The following FCRL6 variants were observed in gnomAD, a reference collection of about 807,000 sequenced individuals.
FCRL6 encodes Fc receptor like 6.
Under a neutral mutation model 49.1 loss-of-function variants are expected in FCRL6, and 50 were observed. That is an observed-to-expected ratio of 1.02 (90% confidence interval 0.81 to 1.29). The LOEUF (loss-of-function observed/expected upper bound fraction) is 1.29, where lower values mean the gene tolerates loss of function less well. Ranked by LOEUF, FCRL6 falls within the 50% of genes most tolerant of loss-of-function variation. The pLI is 0.00. For synonymous variants in FCRL6, 213 were observed against 199.6 expected, an observed-to-expected ratio of 1.07 and a Z score of -0.57; for missense variants, 571 against 518.5, an observed-to-expected ratio of 1.10 and a Z score of -0.98.
Position 159,815,689 on chromosome 1 carries a change from C to G in FCRL6, c.*28C>G. 1.2e-6 allele frequency: 2 copies of G among 1,612,702 alleles called. No homozygotes were observed. Among genetic ancestry groups the G allele is most frequent in the Non-Finnish European group, 1.7e-6 (2 of 1,179,702 alleles). On this transcript the variant is annotated 3_prime_UTR_variant, in exon 10 of 10. Transcript: ENST00000368106. ...ATGGTGTTCTCCTATCAACACACGCCCACCCCCAGTCTCCAGTGCTCCTCA... is the reference window on the plus strand; with the variant it reads ...ATGGTGTTCTCCTATCAACACACGCGCACCCCCAGTCTCCAGTGCTCCTCA...
At position 159,809,254 on chromosome 1, in the gene FCRL6, G is replaced by T. The variant is rs769087449; in HGVS notation, c.604+9G>T. The T allele has an allele frequency of 6.5e-7, 1 of 1,542,518 alleles. No individual in the cohort carries two copies. ...GGAGGTCAGAGTGCAGGGTAAGTGCGCGAGAGAGTGGAGATGCCCCCAGGG... is the reference window on the plus strand; with the variant it reads ...GGAGGTCAGAGTGCAGGGTAAGTGCTCGAGAGAGTGGAGATGCCCCCAGGG... On this transcript the variant is annotated intron_variant, in intron 4 of 9. Coordinates refer to ENST00000368106, the MANE Select transcript of FCRL6 (RefSeq NM_001004310.3).
At position 159,806,057 on chromosome 1, in the gene FCRL6, G is replaced by A. The variant is rs557283491; in HGVS notation, c.32-539G>A. On this transcript the variant is annotated intron_variant, in intron 1 of 9. Transcript: ENST00000368106. Reference sequence around the variant, plus strand: ...GTTCCAGGCACAGGTCTTGGGCATAGAAAATATAGCAATGAGTAAAATAAG... The same window carrying A: ...GTTCCAGGCACAGGTCTTGGGCATAAAAAATATAGCAATGAGTAAAATAAG... Among the ~76,000 whole-genome samples, 4 of 152,348 alleles carry A rather than the reference G, an allele frequency of 2.6e-5. No homozygotes were observed. The South Asian group carries it at 8.3e-4, about 32-fold the overall frequency.
At chr1:159,803,497 C>T (rs1662475467) in intron 1 of FCRL6, among the ~76,000 whole-genome samples, 1 of 152,150 alleles carries the variant, frequency 6.6e-6, no homozygotes, top group Non-Finnish European at 1.5e-5. Flanking sequence ...GCATAGCATG[C>T]TACTCGTGTG....
upstream of FCRL6, among the ~76,000 whole-genome samples, chr1:159,801,781 T>C (rs1258365535): frequency 1.3e-5 from 2 of 152,168 alleles, no homozygotes; most frequent in Non-Finnish European, 2.9e-5. Flanking sequence ...TTTTAAGGAA[T>C]AGTTCTCAAA....
intron 1 of FCRL6, among the ~76,000 whole-genome samples, chr1:159,805,141 G>T (rs138013456): frequency 4.9e-4 from 75 of 152,286 alleles, no homozygotes; most frequent in Non-Finnish European, 2.1e-4. Context: ...GCTCATAGAT[G>T]GGGGTTAGGG....
At chr1:159,811,915 C>G (rs1187684303) in intron 6 of FCRL6, among the ~76,000 whole-genome samples, 2 of 152,172 alleles carry the variant, frequency 1.3e-5, no homozygotes, top group Non-Finnish European at 2.9e-5. Flanking sequence ...ACCTCTGAGT[C>G]AAAGCATTAA....
At chr1:159,813,420 G>A (rs1428423896) in intron 6 of FCRL6, 69 bp from the exon 7 acceptor site, 2 of 1,400,966 alleles carry the variant, frequency 1.4e-6, no homozygotes, top group African/African-American at 1.4e-5. Context: ...CTTGCTCACA[G>A]CTTTCCTGTC....
intron 1 of FCRL6, among the ~76,000 whole-genome samples, chr1:159,803,419 C>T (rs1041591203): frequency 6.6e-6 from 1 of 152,190 alleles, no homozygotes; most frequent in Non-Finnish European, 1.5e-5. Context: ...TAACCTCTTC[C>T]TGGACAGAGT....
rs12087590 is a variant in FCRL6, at chr1:159,809,348, G to A, written c.605-54G>A. The A allele has an allele frequency of 8.4e-3, 12,844 of 1,534,752 alleles. 859 individuals carry two copies. In the African/African-American group the frequency reaches 0.15, roughly 18 times the overall value. ...GGGGGAAGGGTCCCCAGGAGAGGAG[G>A]GAGCCAGGGTCCTGGGTGGTCAGGC... is the stretch of plus-strand genomic sequence containing the variant. On this transcript the variant is annotated intron_variant, in intron 4 of 9. Coordinates refer to ENST00000368106, the MANE Select transcript of FCRL6 (RefSeq NM_001004310.3).
upstream of FCRL6, among the ~76,000 whole-genome samples, chr1:159,801,950 C>G (rs184917000): frequency 1.2e-3 from 185 of 152,128 alleles, no homozygotes; most frequent in Middle Eastern, 3.4e-3. Flanking sequence ...ACATTTACCT[C>G]TGGAGACAGG....
upstream of FCRL6, among the ~76,000 whole-genome samples, chr1:159,801,614 T>C (rs1571081370): frequency 6.6e-6 from 1 of 152,340 alleles, no homozygotes; most frequent in Non-Finnish European, 1.5e-5. Context: ...GAAGTACCTA[T>C]CCAATTATTT....
intron 1 of FCRL6, among the ~76,000 whole-genome samples, chr1:159,805,107 C>A (rs1041711421): frequency 6.6e-6 from 1 of 152,136 alleles, no homozygotes; most frequent in Non-Finnish European, 1.5e-5. Context: ...GATTCCAAAT[C>A]CTGCATGCTT....
At chr1:159,804,796 A>G (rs1662571792) in intron 1 of FCRL6, among the ~76,000 whole-genome samples, 1 of 152,132 alleles carries the variant, frequency 6.6e-6, no homozygotes, top group African/African-American at 2.4e-5. Context: ...TTTGTTTAGC[A>G]CTTTGTAGCT....
At position 159,815,616 on chromosome 1, in the gene FCRL6, G is replaced by A; in HGVS notation, c.1260G>A (p.Arg420=). 1 of 1,614,200 alleles carries A rather than the reference G, an allele frequency of 6.2e-7. No homozygotes were observed. The highest frequency in any genetic ancestry group is 8.5e-7 in the Non-Finnish European group (1 of 1,180,032). The change falls in exon 10 of 10, where the codon AGG becomes AGA. Residue 420 remains arginine, a synonymous_variant. Transcript: ENST00000368106. ...VSSTEVNMRS[R]TLQEPLSDCE... ...CCACGGAGGTGAATATGAGAAGCAG[G>A]ACTCTCCAAGAACCCCTTAGCGACT...
intron 1 of FCRL6, 28 bp from the exon 2 acceptor site, chr1:159,806,568 C>T (rs899467164): frequency 2.1e-5 from 33 of 1,609,316 alleles, no homozygotes; most frequent in Admixed American, 6.7e-5. Context: ...GCTACTTAAC[C>T]TAATTGTGTT....
At chr1:159,809,721 A>C in intron 5 of FCRL6, 38 bp downstream of exon 5, 1 of 1,585,126 alleles carries the variant, frequency 6.3e-7, no homozygotes, top group Non-Finnish European at 8.6e-7. Context: ...GAGCCCCAGC[A>C]AGCTGGCAGG....
chr1:159,805,599 T>C (rs143927738), intron 1 of FCRL6, among the ~76,000 whole-genome samples: 6 of 152,352 alleles, frequency 3.9e-5, no homozygotes, highest in Non-Finnish European at 8.8e-5. Context: ...GTCATCATTT[T>C]GTGAGTTGGC....
intron 5 of FCRL6, 143 bp downstream of exon 5, chr1:159,809,826 T>C (rs1159893764): frequency 5.1e-6 from 4 of 786,638 alleles, no homozygotes; most frequent in Non-Finnish European, 8.1e-6. Flanking sequence ...CCCTAATTAG[T>C]CCATCTGTCC....
chr1:159,801,080 C>T (rs1158327728), upstream of FCRL6, among the ~76,000 whole-genome samples: 1 of 152,166 alleles, frequency 6.6e-6, no homozygotes, highest in Admixed American at 6.5e-5. Flanking sequence ...TAGTATTTTG[C>T]CTGACTCTGT....
Sources: gnomAD v4.1 joint callset for allele counts (sites outside exome capture counted in the v4.1 genomes callset) on GRCh38, gnomAD v4.1.1 for gene constraint, MANE v1.5 for transcripts, NCBI Gene and HGNC (gene_info 2026-07-23, HGNC 2026-07-21) for gene names.